The following RAB8B variants were observed in gnomAD, a reference collection of about 807,000 sequenced individuals.
RAB8B encodes the protein RAB8B, member RAS oncogene family.
In RAB8B, 11 loss-of-function variants were observed where a neutral mutation model predicts 32.0. That is an observed-to-expected ratio of 0.34 (90% CI 0.22 to 0.57). The LOEUF (loss-of-function observed/expected upper bound fraction) is 0.57. RAB8B is among the 20% of genes least tolerant of loss of function. The pLI is 0.86. For synonymous variants in RAB8B, 103 were observed against 89.6 expected (o/e 1.15, Z -0.85); for missense variants, 190 against 258.5 (o/e 0.73, Z 1.82).
In RAB8B at chr15:63,215,042, C is replaced by CTGT. The variant is rs2037780931; in HGVS notation, c.124+25297_124+25299dup. 2.0e-5 allele frequency among the ~76,000 whole-genome samples: 3 copies of CTGT among 152,190 alleles called. No homozygotes were observed. The South Asian group carries it at 6.2e-4, about 31-fold the overall frequency. On this transcript the variant is annotated intron_variant, in intron 1 of 7. Coordinates refer to ENST00000321437, the MANE Select transcript of RAB8B (RefSeq NM_016530.3). ...CTATCCCAGACACAAGAGATACCTG[C>CTGT]TGTTGCTATTTGTGACCAAATACCA...
chr15:63,236,803 ATT>A (rs765244483), intron 1 of RAB8B, among the ~76,000 whole-genome samples: 32 of 152,272 alleles, frequency 2.1e-4, no homozygotes, highest in Non-Finnish European at 3.8e-4. Flanking sequence ...GTATAATTAA[ATT>A]ATTTTTGATT....
At chr15:63,210,987 A>C (rs2037742368) in intron 1 of RAB8B, among the ~76,000 whole-genome samples, 1 of 152,190 alleles carries the variant, frequency 6.6e-6, no homozygotes, top group Admixed American at 6.5e-5. Flanking sequence ...GCTCAACTCA[A>C]CCTGAGGAAA....
rs567625787 is a variant in RAB8B, at chr15:63,209,015, G to A, written c.124+19267G>A. Among the ~76,000 whole-genome samples the A allele has an allele frequency of 2.5e-4, 38 of 150,470 alleles. No homozygotes were observed. The South Asian group carries it at 7.2e-3, about 28-fold the overall frequency. On this transcript the variant is annotated intron_variant, in intron 1 of 7. Transcript: ENST00000321437. ...TCAAGCGATTCTGCCTCAGCCTCCC[G>A]AGTAGCTGGGATTATAGGTGCCCGC...
chr15:63,189,857 G>A (rs2037539292), intron 1 of RAB8B, 109 bp downstream of exon 1: 5 of 1,291,900 alleles, frequency 3.9e-6, no homozygotes, highest in Non-Finnish European at 5.1e-6. Context: ...AGACCCCGGG[G>A]ACTGCAAGGT....
chr15:63,229,399 A>AC (rs2037915674), intron 1 of RAB8B, among the ~76,000 whole-genome samples: 1 of 152,138 alleles, frequency 6.6e-6, no homozygotes, highest in African/African-American at 2.4e-5. Context: ...CCTGATGATG[A>AC]CCTGTTTAAA....
At chr15:63,246,280 A>G (rs2152577881) in intron 2 of RAB8B, among the ~76,000 whole-genome samples, 1 of 152,248 alleles carries the variant, frequency 6.6e-6, no homozygotes, top group South Asian at 2.1e-4. Context: ...TGGCACTCAA[A>G]AAGTTTTGGA....
At chr15:63,201,227 C>A (rs1186210829) in intron 1 of RAB8B, among the ~76,000 whole-genome samples, 1 of 152,042 alleles carries the variant, frequency 6.6e-6, no homozygotes, top group East Asian at 1.9e-4. Context: ...AATTTTAACA[C>A]AATGATGAAA....
intron 1 of RAB8B, among the ~76,000 whole-genome samples, chr15:63,223,694 G>A (rs1039224074): frequency 6.6e-6 from 1 of 152,136 alleles, no homozygotes; most frequent in African/African-American, 2.4e-5. Context: ...ACACACGACT[G>A]TACTTGTACT....
chr15:63,222,506 G>T (rs2037852675), intron 1 of RAB8B, among the ~76,000 whole-genome samples: 1 of 152,158 alleles, frequency 6.6e-6, no homozygotes, highest in Non-Finnish European at 1.5e-5. Context: ...TAGGATGGTT[G>T]TCCCATAAGT....
intron 6 of RAB8B, among the ~76,000 whole-genome samples, chr15:63,260,266 TG>T: frequency 6.6e-6 from 1 of 152,336 alleles, no homozygotes; most frequent in Non-Finnish European, 1.5e-5. Context: ...TTTGGGCAGC[TG>T]GAAATCCTGG....
At chr15:63,199,710 T>C (rs2037632266) in intron 1 of RAB8B, among the ~76,000 whole-genome samples, 1 of 152,066 alleles carries the variant, frequency 6.6e-6, no homozygotes, top group Non-Finnish European at 1.5e-5. Context: ...GTCATCAGTC[T>C]GGAATTAGTG....
At chr15:63,189,769 CG>C (rs745565389) in intron 1 of RAB8B, 21 bp downstream of exon 1, 1 of 1,395,492 alleles carries the variant, frequency 7.2e-7, no homozygotes, top group Non-Finnish European at 9.6e-7. Context: ...GGCCGCGGCC[CG>C]GGACCGGGTA....
chr15:63,231,322 T>C (rs2037934622), intron 1 of RAB8B, among the ~76,000 whole-genome samples: 1 of 152,206 alleles, frequency 6.6e-6, no homozygotes, highest in Non-Finnish European at 1.5e-5. Flanking sequence ...GAATGGAAAA[T>C]ACGATACATG....
chr15:63,192,177 GC>G (rs545976068), intron 1 of RAB8B, among the ~76,000 whole-genome samples: 2 of 152,190 alleles, frequency 1.3e-5, no homozygotes, highest in Non-Finnish European at 2.9e-5. Context: ...GGAAGTGGTA[GC>G]ACACTGCCTT....
intron 1 of RAB8B, among the ~76,000 whole-genome samples, chr15:63,193,066 T>C (rs765648675): frequency 6.6e-6 from 1 of 151,952 alleles, no homozygotes; most frequent in Non-Finnish European, 1.5e-5. Context: ...CTACAAAAAG[T>C]AAATTAAAAA....
intron 1 of RAB8B, among the ~76,000 whole-genome samples, chr15:63,226,873 T>A (rs1021799926): frequency 3.9e-5 from 6 of 152,218 alleles, no homozygotes; most frequent in East Asian, 1.9e-4. Flanking sequence ...GGTTGCCCAT[T>A]TTTATGGTTT....
intron 1 of RAB8B, among the ~76,000 whole-genome samples, chr15:63,200,006 A>G (rs2037634473): frequency 6.6e-6 from 1 of 152,206 alleles, no homozygotes; most frequent in African/African-American, 2.4e-5. Context: ...GGCTGTGACA[A>G]ACAATTGGTT....
intron 1 of RAB8B, among the ~76,000 whole-genome samples, chr15:63,222,713 G>A (rs971120150): frequency 2.0e-5 from 3 of 151,990 alleles, no homozygotes; most frequent in East Asian, 1.9e-4. Flanking sequence ...AATTTTTTTT[G>A]TATTTTTAGT....
At chr15:63,189,968 G>A (rs2037540530) in intron 1 of RAB8B, among the ~76,000 whole-genome samples, 1 of 150,958 alleles carries the variant, frequency 6.6e-6, no homozygotes, top group African/African-American at 2.4e-5. Flanking sequence ...GGGGGAACTT[G>A]GGGGCAAAGG....
Sources: allele counts gnomAD v4.1 joint callset (sites outside exome capture counted in the v4.1 genomes callset), GRCh38; gene constraint gnomAD v4.1.1; transcripts MANE v1.5; gene names NCBI Gene and HGNC (gene_info 2026-07-23, HGNC 2026-07-21).